The following TMEM268 variants were observed in gnomAD, a reference collection of about 807,000 sequenced individuals.
TMEM268 encodes transmembrane protein C9orf91.
In TMEM268, 24 loss-of-function variants were observed where a neutral mutation model predicts 39.1. The ratio of observed to expected loss-of-function variants is 0.61; its 90% confidence interval spans 0.44 to 0.86. The LOEUF (loss-of-function observed/expected upper bound fraction) is 0.86, where lower values mean the gene tolerates loss of function less well. TMEM268 is among the 40% of genes least tolerant of loss of function. The pLI is 0.00. For synonymous variants in TMEM268, 176 were observed against 173.5 expected (o/e 1.01, Z -0.12); for missense variants, 409 against 428.6 (o/e 0.95, Z 0.40).
chr9:114,632,083 G>A (rs535330704), intron 5 of TMEM268, among the ~76,000 whole-genome samples: 1 of 144,978 alleles, frequency 6.9e-6, no homozygotes, highest in Admixed American at 6.9e-5. Flanking sequence ...GGGTGACAGA[G>A]CGAGACTAGG....
At chr9:114,643,025 C>A in intron 8 of TMEM268, 109 bp from the exon 9 acceptor site, 2 of 1,155,218 alleles carry the variant, frequency 1.7e-6, no homozygotes, top group Non-Finnish European at 2.5e-6. Flanking sequence ...GAGAGCATCA[C>A]TGCTGGGTCC....
upstream of TMEM268, among the ~76,000 whole-genome samples, chr9:114,610,416 C>T (rs1458477442): frequency 6.6e-6 from 1 of 152,184 alleles, no homozygotes; most frequent in East Asian, 1.9e-4. Context: ...TTATGTGCCC[C>T]TTAAAAGGAA....
intron 4 of TMEM268, 150 bp from the exon 5 acceptor site, chr9:114,627,951 C>A: frequency 2.6e-6 from 2 of 782,060 alleles, no homozygotes; most frequent in Non-Finnish European, 4.2e-6. Context: ...TCTCACAGAT[C>A]CAGGTGACTG....
intron 2 of TMEM268, among the ~76,000 whole-genome samples, chr9:114,620,411 A>AT (rs1845903470): frequency 6.6e-6 from 1 of 151,716 alleles, no homozygotes. Context: ...CGTCTGGCTA[A>AT]TTTTTTGTAT....
chr9:114,622,591 C>A, intron 2 of TMEM268: 1 of 806,794 alleles, frequency 1.2e-6, no homozygotes, highest in Non-Finnish European at 1.5e-6. Flanking sequence ...CATGGTCTGG[C>A]TTCATCCTAC....
At chr9:114,604,335 T>G in the TMEM268 span, among the ~76,000 whole-genome samples, 1 of 152,000 alleles carries the variant, frequency 6.6e-6, no homozygotes, top group Admixed American at 6.6e-5. Context: ...CCCAGCACTT[T>G]GGGAGGCCGA....
At chr9:114,625,360 C>T (rs1025627450) in intron 3 of TMEM268, among the ~76,000 whole-genome samples, 1 of 151,976 alleles carries the variant, frequency 6.6e-6, no homozygotes, top group Non-Finnish European at 1.5e-5. Flanking sequence ...CTAGCCAAGG[C>T]CAAGGAGGAT....
At chr9:114,620,261 T>C (rs943290537) in intron 2 of TMEM268, among the ~76,000 whole-genome samples, 2 of 152,192 alleles carry the variant, frequency 1.3e-5, no homozygotes, top group South Asian at 2.1e-4. Context: ...CTTATTTTTT[T>C]TGAGACAGGA....
Position 114,611,533 on chromosome 9 carries a change from T to TGGCGGTGGC in TMEM268, c.-105_-104insTGGCGGCGG, listed in dbSNP as rs36113264. On this transcript the variant is annotated 5_prime_UTR_variant, in exon 1 of 9. Coordinates refer to ENST00000288502, the MANE Select transcript of TMEM268 (RefSeq NM_153045.4). ...GCCCCCGACCTTCCGCGTCCCGGGG[T>TGGCGGTGGC]GGCGGCGGCGGCGGCGGCGGCGGCG... 3 of 162,680 alleles carry TGGCGGTGGC rather than the reference T, an allele frequency of 1.8e-5. No individual in the cohort carries two copies. The highest frequency in any genetic ancestry group is 2.5e-5 in the Non-Finnish European group (2 of 79,958). The allele number at this position is 162,680 out of a possible 1,614,324, so 10.1% of individuals were successfully genotyped here.
intron 7 of TMEM268, among the ~76,000 whole-genome samples, chr9:114,637,950 C>A (rs1244740787): frequency 6.6e-6 from 1 of 152,196 alleles, no homozygotes; most frequent in Non-Finnish European, 1.5e-5. Flanking sequence ...TCAGGCAGGG[C>A]CTTTGAGTCT....
chr9:114,631,981 G>A (rs1846419104), intron 5 of TMEM268, among the ~76,000 whole-genome samples: 1 of 151,548 alleles, frequency 6.6e-6, no homozygotes, highest in Non-Finnish European at 1.5e-5. Context: ...TGCATGTGTG[G>A]TCCCAGCTGC....
At chr9:114,618,253 GA>G (rs910746698) in intron 2 of TMEM268, among the ~76,000 whole-genome samples, 1 of 152,220 alleles carries the variant, frequency 6.6e-6, no homozygotes, top group African/African-American at 2.4e-5. Flanking sequence ...GGCTTAGTGT[GA>G]AGGCCTGCCT....
intron 1 of TMEM268, among the ~76,000 whole-genome samples, chr9:114,616,064 GGA>G (rs1332167900): frequency 1.4e-5 from 2 of 138,816 alleles, no homozygotes; most frequent in Non-Finnish European, 3.0e-5. Flanking sequence ...CGTCCAGGCT[GGA>G]GTGCAGTGGC....
In TMEM268 at chr9:114,626,903, C is replaced by T. The variant is rs765442550; in HGVS notation, c.221C>T (p.Pro74Leu). Reference protein sequence around the residue: ...EQLQTWGIQVPADQYRSLAES... With the variant: ...EQLQTWGIQVLADQYRSLAES... ...CTTTCCCTGGGTTCCAAGCAGGTCC[C>T]GGCTGACCAGTACAGGAGCTTGGCT... is the stretch of plus-strand genomic sequence containing the variant. The change falls in exon 4 of 9, where the codon CCG becomes CTG. Residue 74 changes from proline (P) to leucine (L), a missense_variant. Pro to Leu is a moderately conservative substitution (Grantham distance 98, BLOSUM62 -3). Coordinates refer to ENST00000288502, the MANE Select transcript of TMEM268 (RefSeq NM_153045.4). 27 of 1,607,284 alleles carry T rather than the reference C, an allele frequency of 1.7e-5. No homozygotes were observed. Among genetic ancestry groups the T allele is most frequent in the Admixed American group, 5.0e-5 (3 of 59,926 alleles).
intron 5 of TMEM268, among the ~76,000 whole-genome samples, chr9:114,632,255 A>G (rs1303627234): frequency 6.6e-6 from 1 of 152,110 alleles, no homozygotes; most frequent in Non-Finnish European, 1.5e-5. Flanking sequence ...AACATGCAGA[A>G]TGGTTTCTAA....
Position 114,642,290 on chromosome 9 carries a change from G to C in TMEM268, c.850-844G>C, listed in dbSNP as rs553312874. ...TGCCTCCTATTAGTGGAATCATACA[G>C]TACATGTCCTTTTGTGATAAACCTA... On this transcript the variant is annotated intron_variant, in intron 8 of 8. Coordinates refer to ENST00000288502, the MANE Select transcript of TMEM268 (RefSeq NM_153045.4). Among the ~76,000 whole-genome samples, 16 of 152,230 alleles carry C rather than the reference G, an allele frequency of 1.1e-4. No homozygotes were observed. In the South Asian group the frequency reaches 3.3e-3, roughly 32 times the overall value.
Position 114,637,013 on chromosome 9 carries a change from G to A in TMEM268, c.609G>A (p.Leu203=). Residue 203 remains leucine, a synonymous_variant, in exon 7 of 9, where the codon CTG becomes CTA. Coordinates refer to ENST00000288502, the MANE Select transcript of TMEM268 (RefSeq NM_153045.4). ...VIQLWFVYFD[L]ENCVQFLSDH... ...AGCTTTGGTTTGTCTACTTCGACCT[G>A]GAGAACTGTGTGCAGTTTTTGTCTG... is the stretch of plus-strand genomic sequence containing the variant. 5.0e-6 allele frequency: 8 copies of A among 1,613,398 alleles called. No individual in the cohort carries two copies. The highest frequency in any genetic ancestry group is 6.8e-6 in the Non-Finnish European group (8 of 1,179,450).
chr9:114,616,000 TTTTTCTTTTTTC>T (rs770243234), intron 1 of TMEM268, among the ~76,000 whole-genome samples: 1,521 of 148,152 alleles, frequency 0.01, 49 homozygotes, highest in East Asian at 0.089. Flanking sequence ...CCTACTTTTC[TTTTTCTTTTTTC>T]TTTTCTTTTT....
intron 8 of TMEM268, among the ~76,000 whole-genome samples, chr9:114,641,359 C>G (rs776203737): frequency 2.6e-4 from 39 of 152,190 alleles, no homozygotes; most frequent in Middle Eastern, 3.2e-3. Flanking sequence ...ATTACTAACT[C>G]TACAGACATA....
Sources: allele counts gnomAD v4.1 joint callset (sites outside exome capture counted in the v4.1 genomes callset), GRCh38; gene constraint gnomAD v4.1.1; transcripts MANE v1.5; gene names NCBI Gene and HGNC (gene_info 2026-07-23, HGNC 2026-07-21).